The following GPC3 variants were observed in gnomAD, a reference collection of about 807,000 sequenced individuals.
The protein encoded by GPC3 is glypican 3, also known as glypican-3.
GPC3 carries 3 observed loss-of-function variants against 34.4 expected under a neutral mutation model. The ratio of observed to expected loss-of-function variants is 0.09; its 90% confidence interval spans 0.04 to 0.23. The LOEUF is 0.23. GPC3 is among the 10% of genes least tolerant of loss of function. The pLI, the probability that GPC3 is intolerant of heterozygous loss-of-function variation, is 1.00. For missense variants in GPC3, 351 were observed against 445.6 expected (o/e 0.79, Z 1.91); for synonymous variants, 177 against 174.0 (o/e 1.02, Z -0.13).
chrX:133,976,037 T>C (rs1006749847), intron 1 of GPC3, among the ~76,000 whole-genome samples: 22 of 111,756 alleles, frequency 2.0e-4, no homozygotes, highest in Admixed American at 9.5e-5. Flanking sequence ...ATAACATCTG[T>C]GTACTTGGGG....
At chrX:133,685,155 G>A (rs772139467) in intron 5 of GPC3, among the ~76,000 whole-genome samples, 5 of 111,365 alleles carry the variant, frequency 4.5e-5, no homozygotes, top group South Asian at 3.8e-4. Flanking sequence ...AAAATATACC[G>A]TGTTCTTAAA....
At chrX:133,939,372 T>A (rs2076335348) in intron 2 of GPC3, among the ~76,000 whole-genome samples, 2 of 112,279 alleles carry the variant, frequency 1.8e-5, no homozygotes, top group African/African-American at 6.5e-5. Flanking sequence ...TTTCTATTAC[T>A]GTCTTCTTTA....
intron 6 of GPC3, among the ~76,000 whole-genome samples, chrX:133,611,974 CACA>C (rs1015347715): frequency 8.9e-6 from 1 of 112,355 alleles, no homozygotes; most frequent in African/African-American, 3.2e-5. Context: ...ATGCACCACT[CACA>C]ACATCAGAGA....
At chrX:133,887,848 T>C (rs770914042) in intron 2 of GPC3, among the ~76,000 whole-genome samples, 2 of 111,769 alleles carry the variant, frequency 1.8e-5, no homozygotes, top group Non-Finnish European at 3.8e-5. Flanking sequence ...TCGTTTTTGT[T>C]GCCTGAGTTT....
intron 2 of GPC3, among the ~76,000 whole-genome samples, chrX:133,874,190 T>G (rs1339865454): frequency 1.8e-5 from 2 of 112,172 alleles, no homozygotes; most frequent in African/African-American, 6.5e-5. Context: ...AGCCACCTGG[T>G]CTCCCAAACA....
At chrX:133,752,871 T>C (rs1416119671) in intron 3 of GPC3, among the ~76,000 whole-genome samples, 6 of 112,213 alleles carry the variant, frequency 5.3e-5, no homozygotes, top group Non-Finnish European at 1.1e-4. Context: ...TAATGTGATA[T>C]ACATGATTGA....
intron 6 of GPC3, among the ~76,000 whole-genome samples, chrX:133,634,959 A>C (rs2070403974): frequency 9.0e-6 from 1 of 111,493 alleles, no homozygotes; most frequent in Non-Finnish European, 1.9e-5. Context: ...AACCCAGTAG[A>C]AAGCTAGCTA....
chrX:133,776,463 G>A (rs1174627898), intron 2 of GPC3, among the ~76,000 whole-genome samples: 1 of 111,835 alleles, frequency 8.9e-6, no homozygotes, highest in Non-Finnish European at 1.9e-5. Flanking sequence ...CAACTGGAGT[G>A]GCAAAATGTA....
At chrX:133,897,304 C>A (rs2076121550) in intron 2 of GPC3, among the ~76,000 whole-genome samples, 1 of 105,594 alleles carries the variant, frequency 9.5e-6, no homozygotes, top group African/African-American at 3.5e-5. Context: ...CCCACTTTGG[C>A]CTCACAAAGT....
At chrX:133,651,505 A>G (rs1267042534) in intron 6 of GPC3, among the ~76,000 whole-genome samples, 4 of 111,778 alleles carry the variant, frequency 3.6e-5, no homozygotes, top group African/African-American at 1.3e-4. Context: ...TTAGGCACTC[A>G]TGTTTGTGAA....
intron 2 of GPC3, among the ~76,000 whole-genome samples, chrX:133,931,129 TTGCTGTGAGGATTCAA>T (rs1383735992): frequency 9.0e-6 from 1 of 111,207 alleles, no homozygotes; most frequent in Non-Finnish European, 1.9e-5. Context: ...CTTTATAGGG[TTGCTGTGAGGATTCAA>T]TGTGTTAATG....
intron 2 of GPC3, chrX:133,763,141 T>G: frequency 1.4e-6 from 1 of 722,396 alleles, no homozygotes; most frequent in South Asian, 2.1e-5. Context: ...CCAGGCAGCC[T>G]TTCAGGAGCC....
intron 3 of GPC3, among the ~76,000 whole-genome samples, chrX:133,719,556 C>A (rs1371529667): frequency 9.0e-6 from 1 of 110,687 alleles, no homozygotes; most frequent in Non-Finnish European, 1.9e-5. Flanking sequence ...TGCAGTGCAC[C>A]AGCATGGCAC....
At chrX:133,880,022 A>G (rs764381640) in intron 2 of GPC3, among the ~76,000 whole-genome samples, 57 of 111,713 alleles carry the variant, frequency 5.1e-4, no homozygotes, top group Non-Finnish European at 8.6e-4. Flanking sequence ...AGGAGACAGC[A>G]CTGTAAAAGG....
intron 5 of GPC3, among the ~76,000 whole-genome samples, chrX:133,675,638 C>T (rs1445888599): frequency 8.9e-6 from 1 of 112,004 alleles, no homozygotes; most frequent in Non-Finnish European, 1.9e-5. Flanking sequence ...CTCTGCCTAA[C>T]CCTTGTCAAC....
chrX:133,791,403 T>G (rs1477535362), intron 2 of GPC3, among the ~76,000 whole-genome samples: 1 of 111,819 alleles, frequency 8.9e-6, no homozygotes, highest in African/African-American at 3.3e-5. Flanking sequence ...GCCAGGCACA[T>G]GCATTTAGAC....
intron 2 of GPC3, among the ~76,000 whole-genome samples, chrX:133,929,889 C>T (rs1256648844): frequency 8.9e-6 from 1 of 112,037 alleles, no homozygotes; most frequent in Non-Finnish European, 1.9e-5. Flanking sequence ...ATACCATGCA[C>T]ACACAAAAGT....
chrX:133,639,091 C>T (rs1224284776), intron 6 of GPC3, among the ~76,000 whole-genome samples: 2 of 111,718 alleles, frequency 1.8e-5, no homozygotes, highest in Non-Finnish European at 3.8e-5. Flanking sequence ...CGCTAATCAA[C>T]ATTCTCTAAA....
At chrX:133,637,442 T>C (rs1168725976) in intron 6 of GPC3, among the ~76,000 whole-genome samples, 1 of 109,264 alleles carries the variant, frequency 9.2e-6, no homozygotes, top group Non-Finnish European at 1.9e-5. Flanking sequence ...AAATAAAAAA[T>C]AATTTTAAAA....
Sources: gnomAD v4.1 joint callset for allele counts (sites outside exome capture counted in the v4.1 genomes callset) on GRCh38, gnomAD v4.1.1 for gene constraint, MANE v1.5 for transcripts, NCBI Gene and HGNC (gene_info 2026-07-23, HGNC 2026-07-21) for gene names.